STIM1: variants seen among roughly 807,000 people sequenced by gnomAD.
STIM1 encodes the protein stromal interaction molecule 1.
A neutral mutation model predicts 74.7 loss-of-function variants in STIM1; 25 were observed. The ratio of observed to expected loss-of-function variants is 0.33; its 90% CI spans 0.24 to 0.47. The LOEUF is 0.47. Among genes scored for constraint, STIM1 ranks in the 20% least tolerant of loss-of-function variants. STIM1 has a pLI of 1.00. For missense variants in STIM1, 728 were observed against 920.8 expected (o/e 0.79, Z 2.71); for synonymous variants, 328 against 348.8 (o/e 0.94, Z 0.66).
At chr11:3,964,727 CTTTT>C (rs796758787) in intron 1 of STIM1, among the ~76,000 whole-genome samples, 1 of 142,076 alleles carries the variant, frequency 7.0e-6, no homozygotes, top group African/African-American at 2.6e-5. Context: ...TTCTTTAATT[CTTTT>C]TTTTTTTTTT....
rs748820994 is a variant in STIM1, at chr11:4,091,401, A to G, written c.1754A>G (p.Asn585Ser). The G allele has an allele frequency of 1.5e-5, 25 of 1,614,132 alleles. No individual in the cohort carries two copies. The highest frequency in any genetic ancestry group is 2.0e-5 in the Non-Finnish European group (24 of 1,180,012). ...ADEALNAMTS[N>S]GSHRLIEGVH... ...GAGGCTCTCAATGCCATGACTTCCAATGGCAGCCACCGGCTGATCGAGGGG... is the reference window on the plus strand; with the variant it reads ...GAGGCTCTCAATGCCATGACTTCCAGTGGCAGCCACCGGCTGATCGAGGGG... Residue 585 changes from asparagine to serine, a missense_variant, in exon 13 of 13, where the codon AAT becomes AGT. This residue lies in a region of STIM1 where 352 missense variants were observed against 370.1 expected (regional missense o/e 0.95). Transcript: ENST00000526596.
intron 1 of STIM1, among the ~76,000 whole-genome samples, chr11:3,934,782 T>A (rs532506214): frequency 9.2e-5 from 14 of 152,374 alleles, no homozygotes; most frequent in African/African-American, 3.4e-4. Context: ...AAACATGCAG[T>A]GCAGTAGCTG....
intron 1 of STIM1, among the ~76,000 whole-genome samples, chr11:3,879,046 C>T (rs1266911803): frequency 6.6e-6 from 1 of 152,140 alleles, no homozygotes; most frequent in Non-Finnish European, 1.5e-5. Context: ...ACCTCCGCCT[C>T]CCGGGTTCAA....
At chr11:3,861,223 A>G (rs887211146) in intron 1 of STIM1, among the ~76,000 whole-genome samples, 1 of 151,120 alleles carries the variant, frequency 6.6e-6, no homozygotes, top group South Asian at 2.1e-4. Context: ...TGTGTGATCT[A>G]GTAGTGGTTC....
At chr11:3,889,342 G>A (rs911737812) in intron 1 of STIM1, among the ~76,000 whole-genome samples, 6 of 151,284 alleles carry the variant, frequency 4.0e-5, no homozygotes, top group Non-Finnish European at 7.4e-5. Flanking sequence ...GCCAAGTACT[G>A]TGTTAAGTGC....
At chr11:3,909,270 A>G (rs539929979) in intron 1 of STIM1, among the ~76,000 whole-genome samples, 2 of 152,258 alleles carry the variant, frequency 1.3e-5, no homozygotes, top group Admixed American at 6.5e-5. Context: ...GTGCCGTCCT[A>G]ATAGAGCTTT....
chr11:3,865,133 T>C (rs1049412605), intron 1 of STIM1, among the ~76,000 whole-genome samples: 1 of 152,222 alleles, frequency 6.6e-6, no homozygotes, highest in Non-Finnish European at 1.5e-5. Context: ...GGACTCACAA[T>C]GACAGATGAA....
intron 1 of STIM1, among the ~76,000 whole-genome samples, chr11:3,950,197 G>A (rs528904821): frequency 4.0e-5 from 6 of 150,266 alleles, no homozygotes; most frequent in South Asian, 4.2e-4. Context: ...GGAGTGGTGC[G>A]ATCTGGGCTC....
chr11:3,882,798 A>G (rs2091565378), intron 1 of STIM1, among the ~76,000 whole-genome samples: 1 of 152,190 alleles, frequency 6.6e-6, no homozygotes, highest in African/African-American at 2.4e-5. Flanking sequence ...GTTTCTCTAC[A>G]TCTTCACCAA....
chr11:4,080,260 TA>T (rs2094458040), intron 7 of STIM1, among the ~76,000 whole-genome samples: 1 of 151,780 alleles, frequency 6.6e-6, no homozygotes, highest in Non-Finnish European at 1.5e-5. Flanking sequence ...TAAAACAAAG[TA>T]AAAAAGTTCC....
intron 1 of STIM1, among the ~76,000 whole-genome samples, chr11:3,910,393 G>T (rs1373997713): frequency 6.6e-6 from 1 of 152,120 alleles, no homozygotes; most frequent in Admixed American, 6.6e-5. Context: ...GATGAAACCT[G>T]ACCTGAGTGA....
At chr11:4,000,946 C>A (rs978161264) in intron 2 of STIM1, among the ~76,000 whole-genome samples, 18 of 152,082 alleles carry the variant, frequency 1.2e-4, no homozygotes, top group African/African-American at 4.3e-4. Flanking sequence ...AATGCAGAAG[C>A]CTCAGGACCC....
chr11:3,934,394 C>T (rs1349464950), intron 1 of STIM1, among the ~76,000 whole-genome samples: 1 of 152,160 alleles, frequency 6.6e-6, no homozygotes, highest in African/African-American at 2.4e-5. Context: ...TCTGTTCCCT[C>T]ATCCTTGAAG....
Position 3,991,599 on chromosome 11 carries a change from A to G in STIM1, c.270+23917A>G, listed in dbSNP as rs114289048. ...TTTATTTTCCTTTGGGTATGTATAC[A>G]GTAATGGAATTGCTGGATCGAATGG... On this transcript the variant is annotated intron_variant, in intron 2 of 12. Transcript: ENST00000526596. Among the ~76,000 whole-genome samples, 441 of 152,230 alleles carry G rather than the reference A, an allele frequency of 2.9e-3. 4 individuals carry two copies. The highest frequency in any genetic ancestry group is 9.8e-3 in the African/African-American group (407 of 41,526).
At chr11:3,879,627 T>C (rs915483813) in intron 1 of STIM1, among the ~76,000 whole-genome samples, 1 of 152,214 alleles carries the variant, frequency 6.6e-6, no homozygotes, top group Non-Finnish European at 1.5e-5. Flanking sequence ...CTCCATATTA[T>C]TGTAAACAAA....
rs998147237 is a variant in STIM1 at position 4,018,678 on chromosome 11, G to T, written c.271-5195G>T. On this transcript the variant is annotated intron_variant, in intron 2 of 12. Coordinates refer to ENST00000526596, the MANE Select transcript of STIM1 (RefSeq NM_001382567.1). ...AAAAAAAAAAAAGGCATAAAAGGGG[G>T]ATCTGTGTTCTGGAACCCTGTGGCT... Among the ~76,000 whole-genome samples, 3 of 151,066 alleles carry T rather than the reference G, an allele frequency of 2.0e-5. No individual in the cohort carries two copies. The East Asian group carries it at 5.8e-4, about 29-fold the overall frequency.
intron 3 of STIM1, among the ~76,000 whole-genome samples, chr11:4,040,859 C>T (rs2094142058): frequency 6.6e-6 from 1 of 152,176 alleles, no homozygotes; most frequent in Non-Finnish European, 1.5e-5. Context: ...CCCTGGGAGA[C>T]CTGGTTTTTG....
intron 1 of STIM1, among the ~76,000 whole-genome samples, chr11:3,937,442 G>A (rs2092948441): frequency 1.3e-5 from 2 of 152,104 alleles, no homozygotes; most frequent in Admixed American, 6.5e-5. Context: ...ATCCAAAGGG[G>A]TCAGGCTTAG....
chr11:4,079,542 C>T (rs2094454320), intron 7 of STIM1, among the ~76,000 whole-genome samples: 1 of 151,964 alleles, frequency 6.6e-6, no homozygotes, highest in South Asian at 2.1e-4. Flanking sequence ...TCACTGCACT[C>T]CAGCCTGGGT....
Sources: gnomAD v4.1 joint callset for allele counts (sites outside exome capture counted in the v4.1 genomes callset) on GRCh38, gnomAD v4.1.1 for gene constraint, gnomAD v4.1.1 regional missense constraint, MANE v1.5 for transcripts, NCBI Gene and HGNC (gene_info 2026-07-23, HGNC 2026-07-21) for gene names.